The following MYMX variants were observed in gnomAD, a reference collection of about 807,000 sequenced individuals.
The protein encoded by MYMX is myomixer, myoblast fusion factor.
chr6:44,217,250 C>A (rs1185625239), intron 1 of MYMX, among the ~76,000 whole-genome samples, 200 bp from the exon 2 acceptor site: 1 of 152,126 alleles, frequency 6.6e-6, no homozygotes, highest in Non-Finnish European at 1.5e-5. Context: ...GTCTCCCCAT[C>A]TGTGCTATGG....
chr6:44,203,695 C>T, the MYMX span, among the ~76,000 whole-genome samples: 1 of 152,144 alleles, frequency 6.6e-6, no homozygotes, highest in East Asian at 1.9e-4. Context: ...CCAAGCTTAA[C>T]TTTTCCCTTT....
the MYMX span, among the ~76,000 whole-genome samples, chr6:44,208,436 T>C: frequency 2.0e-5 from 3 of 152,002 alleles, no homozygotes; most frequent in Non-Finnish European, 4.4e-5. Flanking sequence ...AAATCCACCA[T>C]AAATCCCCTT....
chr6:44,201,543 A>G, the MYMX span, among the ~76,000 whole-genome samples: 1 of 152,162 alleles, frequency 6.6e-6, no homozygotes, highest in African/African-American at 2.4e-5. Flanking sequence ...AACATGACAG[A>G]GCGAGGGGCC....
chr6:44,215,733 A>G (rs951859979), upstream of MYMX, among the ~76,000 whole-genome samples: 1 of 152,032 alleles, frequency 6.6e-6, no homozygotes, highest in Non-Finnish European at 1.5e-5. Context: ...CACCTCTACT[A>G]AAAATACAAA....
At chr6:44,203,889 C>A in the MYMX span, among the ~76,000 whole-genome samples, 1 of 151,936 alleles carries the variant, frequency 6.6e-6, no homozygotes. Flanking sequence ...GCTCTGTCAC[C>A]CAGGCTGGAG....
the MYMX span, among the ~76,000 whole-genome samples, chr6:44,203,139 A>G: frequency 6.6e-6 from 1 of 152,164 alleles, no homozygotes; most frequent in South Asian, 2.1e-4. Flanking sequence ...AGAGGGAGCC[A>G]TCAGGGCCTG....
upstream of MYMX, among the ~76,000 whole-genome samples, chr6:44,214,332 A>G (rs1443356211): frequency 1.3e-5 from 2 of 152,220 alleles, no homozygotes; most frequent in African/African-American, 2.4e-5. Context: ...GTAGTGATCT[A>G]TAATAGGAAG....
the MYMX span, among the ~76,000 whole-genome samples, chr6:44,198,593 A>G: frequency 1.3e-5 from 2 of 151,632 alleles, no homozygotes; most frequent in African/African-American, 4.9e-5. Flanking sequence ...TGCAAACTCC[A>G]CCTTCCAGGT....
At chr6:44,198,154 C>CTTTTTTTT in the MYMX span, among the ~76,000 whole-genome samples, 1 of 79,770 alleles carries the variant, frequency 1.3e-5, no homozygotes, top group African/African-American at 5.5e-5. Flanking sequence ...CCAAATTCCT[C>CTTTTTTTT]TTTTTTTTTT....
chr6:44,215,335 G>T (rs1355528648), upstream of MYMX, among the ~76,000 whole-genome samples: 1 of 152,196 alleles, frequency 6.6e-6, no homozygotes, highest in Non-Finnish European at 1.5e-5. Context: ...CACTTTGGGA[G>T]GCAAAGGTGG....
chr6:44,208,134 AGGAGGATCGCTTAAGCCTG>A, the MYMX span, among the ~76,000 whole-genome samples: 2 of 151,898 alleles, frequency 1.3e-5, no homozygotes, highest in Non-Finnish European at 1.5e-5. Flanking sequence ...AGGCGGAAGC[AGGAGGATCGCTTAAGCCTG>A]GGAGGATCGC....
chr6:44,207,792 A>G, the MYMX span, among the ~76,000 whole-genome samples: 4 of 152,022 alleles, frequency 2.6e-5, no homozygotes, highest in African/African-American at 7.2e-5. Context: ...CAGCCTCCCA[A>G]AGTGTTGGGA....
the MYMX span, among the ~76,000 whole-genome samples, chr6:44,206,271 G>T: frequency 2.6e-4 from 40 of 151,900 alleles, no homozygotes; most frequent in African/African-American, 8.4e-4. Context: ...TCACTCTGTC[G>T]CCCAGGCTAG....
the MYMX span, among the ~76,000 whole-genome samples, chr6:44,204,263 G>A: frequency 6.6e-6 from 1 of 152,204 alleles, no homozygotes; most frequent in African/African-American, 2.4e-5. Flanking sequence ...AAGGATGGCA[G>A]GGCAGCTGGA....
the MYMX span, among the ~76,000 whole-genome samples, chr6:44,198,707 A>G: frequency 6.8e-6 from 1 of 147,052 alleles, no homozygotes; most frequent in Non-Finnish European, 1.5e-5. Context: ...TAATGCCACC[A>G]GAATTTTTTT....
At chr6:44,207,909 G>A in the MYMX span, among the ~76,000 whole-genome samples, 1 of 151,898 alleles carries the variant, frequency 6.6e-6, no homozygotes. Context: ...GTCACTTCTG[G>A]AATAAACAAA....
At chr6:44,215,669 T>C (rs1404602277), upstream of MYMX, among the ~76,000 whole-genome samples, 1 of 151,762 alleles carries the variant, frequency 6.6e-6, no homozygotes, top group Non-Finnish European at 1.5e-5. Context: ...CCAAGACGGG[T>C]GGAGCACCTG....
chr6:44,212,439 A>AAAT (rs1775641140), upstream of MYMX, among the ~76,000 whole-genome samples: 1 of 132,790 alleles, frequency 7.5e-6, no homozygotes, highest in Non-Finnish European at 1.6e-5. Flanking sequence ...AATAAATAAA[A>AAAT]ATTTTAAAAA....
chr6:44,206,731 A>G, the MYMX span, among the ~76,000 whole-genome samples: 1 of 151,850 alleles, frequency 6.6e-6, no homozygotes, highest in Admixed American at 6.6e-5. Context: ...GAGGAGAATC[A>G]TGGAATGAGG....
Sources: gnomAD v4.1 joint callset for allele counts (sites outside exome capture counted in the v4.1 genomes callset) on GRCh38, gnomAD v4.1.1 for gene constraint, MANE v1.5 for transcripts, NCBI Gene and HGNC (gene_info 2026-07-23, HGNC 2026-07-21) for gene names.